EPB41L1: variants seen among roughly 807,000 people sequenced by gnomAD.
EPB41L1 encodes the protein erythrocyte membrane protein band 4.1 like 1, also known as band 4.1-like protein 1.
EPB41L1 carries 29 observed loss-of-function variants against 97.8 expected under a neutral mutation model. That is an observed-to-expected ratio of 0.30 (90% CI 0.22 to 0.40). The LOEUF is 0.40. EPB41L1 is among the 10% of genes least tolerant of loss of function. The pLI, the probability that EPB41L1 is intolerant of heterozygous loss-of-function variation, is 1.00. For missense variants in EPB41L1, 812 were observed against 1,162.3 expected, an observed-to-expected ratio of 0.70 and a Z score of 4.38; for synonymous variants, 383 against 459.2, an observed-to-expected ratio of 0.83 and a Z score of 2.12.
intron 17 of EPB41L1, among the ~76,000 whole-genome samples, chr20:36,217,874 C>CA (rs985417083): frequency 3.3e-5 from 5 of 152,112 alleles, no homozygotes; most frequent in African/African-American, 1.2e-4. Flanking sequence ...GATCTAGTGC[C>CA]ATGCCTGGAC....
intron 7 of EPB41L1, among the ~76,000 whole-genome samples, chr20:36,187,001 G>GT (rs990511599): frequency 2.6e-5 from 4 of 152,118 alleles, no homozygotes; most frequent in African/African-American, 9.7e-5. Flanking sequence ...CTCTGTGCCG[G>GT]TTTTTTCATC....
intron 2 of EPB41L1, among the ~76,000 whole-genome samples, chr20:36,115,983 G>T (rs931700427): frequency 3.9e-5 from 6 of 152,206 alleles, no homozygotes; most frequent in Non-Finnish European, 7.3e-5. Context: ...GGCTCAGAGG[G>T]AATAAGTGAC....
Position 36,231,290 on chromosome 20 carries a change from G to A in EPB41L1, c.*1950G>A, listed in dbSNP as rs2064479676. 6.6e-6 allele frequency: 1 copy of A among 152,224 alleles called. No individual in the cohort carries two copies. 9.4% of individuals were successfully genotyped at this position (152,224 alleles called of 1,614,324 possible). A position where few individuals can be genotyped will look rare whatever the true frequency, so the allele number is the denominator to read the frequency against. ...GAGCTCAGAAAGTGCCCCTTGATGA[G>A]GGAAAATGTCCCACTGCACTGCGAA... On this transcript the variant is annotated 3_prime_UTR_variant, in exon 22 of 22. Coordinates refer to ENST00000338074, the MANE Select transcript of EPB41L1 (RefSeq NM_012156.2).
chr20:36,151,710 T>C (rs2060055285), upstream of EPB41L1: 1 of 152,214 alleles, frequency 6.6e-6, no homozygotes, highest in Non-Finnish European at 1.5e-5. Flanking sequence ...AGGGTTATTG[T>C]TGGGTAAAGT....
In EPB41L1 at chr20:36,190,474, C is replaced by T; in HGVS notation, c.1124+100C>T. The T allele has an allele frequency of 6.6e-7, 1 of 1,513,776 alleles. No individual in the cohort carries two copies. 93.8% of individuals were successfully genotyped at this position (1,513,776 alleles called of 1,614,324 possible). The stretch of plus-strand genomic sequence containing the variant: ...TAGTGAGAACTCTAGGAAAGTCCTC[C>T]ACCCTTTCCCCAAGTCCCTCCCTTC... On this transcript the variant is annotated intron_variant, in intron 10 of 21. Coordinates refer to ENST00000338074, the MANE Select transcript of EPB41L1 (RefSeq NM_012156.2). The surrounding 1 kb of genome is among the most constrained non-coding windows in gnomAD (Gnocchi z 5.8).
chr20:36,136,344 T>TC (rs1488384738), intron 2 of EPB41L1, among the ~76,000 whole-genome samples: 3 of 149,520 alleles, frequency 2.0e-5, no homozygotes, highest in East Asian at 2.0e-4. Context: ...CTAAGTTTTT[T>TC]TTTTTTTTTT....
At chr20:36,220,510 G>A (rs971668529) in intron 19 of EPB41L1, among the ~76,000 whole-genome samples, 1 of 152,106 alleles carries the variant, frequency 6.6e-6, no homozygotes, top group Non-Finnish European at 1.5e-5. Flanking sequence ...GACTCTGGAG[G>A]ATCTGGGCCT....
At chr20:36,211,387 CAAAACA>C (rs574779012) in intron 15 of EPB41L1, among the ~76,000 whole-genome samples, 95 of 151,820 alleles carry the variant, frequency 6.3e-4, no homozygotes, top group Non-Finnish European at 1.1e-3. Flanking sequence ...TCTCAAAAAA[CAAAACA>C]AAAACAAAAA....
intron 1 of EPB41L1, among the ~76,000 whole-genome samples, chr20:36,172,532 C>T (rs547013617): frequency 6.6e-6 from 1 of 152,368 alleles, no homozygotes; most frequent in African/African-American, 2.4e-5. Context: ...TGGTAAGTAT[C>T]CTTTCAGACC....
chr20:36,174,079 T>TA (rs2061116145), intron 2 of EPB41L1, 125 bp downstream of exon 2: 2 of 1,037,236 alleles, frequency 1.9e-6, no homozygotes, highest in Non-Finnish European at 2.9e-6. Flanking sequence ...AGTGACCTGT[T>TA]ACATGCCAAG....
chr20:36,162,052 C>T (rs1199574498), intron 1 of EPB41L1, among the ~76,000 whole-genome samples: 1 of 152,234 alleles, frequency 6.6e-6, no homozygotes, highest in Non-Finnish European at 1.5e-5. Context: ...GCGTGAGCCA[C>T]CACACCCTGC....
At chr20:36,119,465 G>A (rs2058681534) in intron 2 of EPB41L1, among the ~76,000 whole-genome samples, 1 of 152,146 alleles carries the variant, frequency 6.6e-6, no homozygotes, top group Admixed American at 6.5e-5. Context: ...AGCCAGGTAT[G>A]GTGGTGCACG....
In EPB41L1 at chr20:36,206,371, G is replaced by T. The variant is rs563329529; in HGVS notation, c.1669-3117G>T. ...GGTGGACGTCCTCTCTCCAGCCTCC[G>T]ACAAGGGAGGACTCCAGTCGTTTCT... On this transcript the variant is annotated intron_variant, in intron 14 of 21. Coordinates refer to ENST00000338074, the MANE Select transcript of EPB41L1 (RefSeq NM_012156.2). This position sits in a 1 kb window ranked among gnomAD's most constrained non-coding sequence, Gnocchi z 5.5. The T allele has an allele frequency of 7.8e-7, 1 of 1,289,920 alleles. No homozygotes were observed. Among genetic ancestry groups the T allele is most frequent in the Non-Finnish European group, 1.0e-6 (1 of 988,882 alleles). The allele number at this position is 1,289,920 out of a possible 1,614,324, so 79.9% of individuals were successfully genotyped here.
At chr20:36,099,648 G>A (rs1378777223) in intron 1 of EPB41L1, among the ~76,000 whole-genome samples, 1 of 152,182 alleles carries the variant, frequency 6.6e-6, no homozygotes, top group East Asian at 1.9e-4. Flanking sequence ...CTCTGTCTGA[G>A]TTGGGAGGAC....
intron 2 of EPB41L1, among the ~76,000 whole-genome samples, chr20:36,143,370 G>C (rs764363637): frequency 3.3e-5 from 5 of 152,026 alleles, no homozygotes; most frequent in Non-Finnish European, 7.4e-5. Flanking sequence ...AAAAAGGGCA[G>C]AGAGAGTGGA....
intron 12 of EPB41L1, 87 bp downstream of exon 12, chr20:36,194,447 TCCAGCTGTGGCCAAGCACCC>T: frequency 6.6e-7 from 1 of 1,509,422 alleles, no homozygotes; most frequent in Non-Finnish European, 9.0e-7. Context: ...TTCACATGCC[TCCAGCTGTGGCCAAGCACCC>T]TTACTATGGA....
At chr20:36,204,227 C>T (rs929331685) in intron 14 of EPB41L1, among the ~76,000 whole-genome samples, 1 of 152,124 alleles carries the variant, frequency 6.6e-6, no homozygotes, top group African/African-American at 2.4e-5. Context: ...AGGGAGGTAC[C>T]TCAGGGCATT....
rs1429699506 is a variant in EPB41L1 at position 36,092,597 on chromosome 20, C to T, written c.-65+985C>T. The T allele has an allele frequency of 2.7e-5, 4 of 150,796 alleles. No homozygotes were observed. The highest frequency in any genetic ancestry group is 5.9e-5 in the Non-Finnish European group (4 of 67,864). The allele number at this position is 150,796 out of a possible 1,614,324, so 9.3% of individuals were successfully genotyped here. A position where few individuals can be genotyped will look rare whatever the true frequency, so the allele number is the denominator to read the frequency against. On this transcript the variant is annotated intron_variant, in intron 1 of 19. Transcript: ENST00000202028. The surrounding 1 kb of genome is among the most constrained non-coding windows in gnomAD (Gnocchi z 7.0). ...GGGCCGGGATCGCCGCCGCCTCCTC[C>T]GGGGGAGCCGGCCGGGGCGGGGCGG...
chr20:36,143,020 C>T lies in EPB41L1; in HGVS notation c.-10+30540C>T, dbSNP rs146774754. Among the ~76,000 whole-genome samples, 8 of 152,312 alleles carry T rather than the reference C, an allele frequency of 5.3e-5. No homozygotes were observed. In the East Asian group the frequency reaches 1.5e-3, roughly 29 times the overall value. ...CAGTAACTCTGACAGAGTGGAACTG[C>T]TCTCACCATCCTGTCACTTGGCCTC... is the stretch of plus-strand genomic sequence containing the variant. On this transcript the variant is annotated intron_variant, in intron 2 of 19. Coordinates refer to the EPB41L1 transcript ENST00000202028.
Sources: gnomAD v4.1 joint callset for allele counts (sites outside exome capture counted in the v4.1 genomes callset) on GRCh38, gnomAD v4.1.1 for gene constraint, Gnocchi (gnomAD v3.1) non-coding constraint, MANE v1.5 for transcripts, NCBI Gene and HGNC (gene_info 2026-07-23, HGNC 2026-07-21) for gene names.